The following SKAP2 variants were observed in gnomAD, a reference collection of about 807,000 sequenced individuals.
The protein encoded by SKAP2 is src kinase-associated phosphoprotein 2.
SKAP2 carries 28 observed loss-of-function variants against 54.9 expected under a neutral mutation model. That is an observed-to-expected ratio of 0.51 (90% CI 0.38 to 0.70). The LOEUF is 0.70. Ranked by LOEUF, SKAP2 falls within the 30% of genes least tolerant of loss-of-function variation. The pLI is 0.00. For missense variants in SKAP2, 356 were observed against 424.1 expected (o/e 0.84, Z 1.41); for synonymous variants, 137 against 134.3 (o/e 1.02, Z -0.14).
intron 1 of SKAP2, among the ~76,000 whole-genome samples, chr7:26,861,476 C>A (rs1471630435): frequency 6.6e-6 from 1 of 151,928 alleles, no homozygotes; most frequent in Non-Finnish European, 1.5e-5. Context: ...TTCATATAAC[C>A]AAAAGAATAA....
At chr7:26,797,523 A>G (rs1439480979) in intron 4 of SKAP2, among the ~76,000 whole-genome samples, 11 of 152,186 alleles carry the variant, frequency 7.2e-5, no homozygotes, top group African/African-American at 2.7e-4. Context: ...CTTAGATCAC[A>G]ACACTCAAGT....
intron 4 of SKAP2, among the ~76,000 whole-genome samples, chr7:26,816,689 A>T (rs1359338699): frequency 6.6e-6 from 1 of 152,226 alleles, no homozygotes; most frequent in South Asian, 2.1e-4. Flanking sequence ...CTCAAACAAC[A>T]ATCAGTAACA....
chr7:26,749,825 T>A (rs1437327686), intron 4 of SKAP2, among the ~76,000 whole-genome samples: 1 of 151,562 alleles, frequency 6.6e-6, no homozygotes, highest in African/African-American at 2.4e-5. Flanking sequence ...TATCTCTGTA[T>A]CAAACACAAC....
chr7:26,717,509 C>CAAAAAAAAAAAAAAAAAAAAA lies in SKAP2; in HGVS notation c.796+7898_796+7918dup, dbSNP rs58826714. ...TGGGTGACAGAGCAAGACCCCATCT[C>CAAAAAAAAAAAAAAAAAAAAA]AAAAAAAAAAAAAAAAAAAAAAAAA... On this transcript the variant is annotated intron_variant, in intron 9 of 12. Coordinates refer to ENST00000345317, the MANE Select transcript of SKAP2 (RefSeq NM_003930.5). Among the ~76,000 whole-genome samples, 23 of 23,134 alleles carry CAAAAAAAAAAAAAAAAAAAAA rather than the reference C, an allele frequency of 9.9e-4. 4 individuals are homozygous for CAAAAAAAAAAAAAAAAAAAAA. The highest frequency in any genetic ancestry group is 6.8e-3 in the South Asian group (2 of 296). The allele number at this position is 23,134 out of a possible 152,430, so 15.2% of individuals were successfully genotyped here. A position where few individuals can be genotyped will look rare whatever the true frequency, so the allele number is the denominator to read the frequency against.
intron 3 of SKAP2, among the ~76,000 whole-genome samples, chr7:26,853,448 G>A (rs116670783): frequency 6.6e-6 from 1 of 152,152 alleles, no homozygotes; most frequent in African/African-American, 2.4e-5. Context: ...AAAGTAGTAG[G>A]AAGTTCCTAT....
chr7:26,656,758 A>G, the SKAP2 span, among the ~76,000 whole-genome samples: 1 of 152,170 alleles, frequency 6.6e-6, no homozygotes. Flanking sequence ...ACTTACAAAG[A>G]TATTTCATAC....
At chr7:26,854,078 C>G in intron 3 of SKAP2, 59 bp downstream of exon 3, 1 of 1,123,626 alleles carries the variant, frequency 8.9e-7, no homozygotes, top group Non-Finnish European at 1.3e-6. Flanking sequence ...TTAGATTATC[C>G]TATTGAAAAT....
intron 9 of SKAP2, among the ~76,000 whole-genome samples, chr7:26,714,530 C>T (rs1280219142): frequency 2.0e-5 from 3 of 152,142 alleles, no homozygotes; most frequent in African/African-American, 7.2e-5. Flanking sequence ...TTTTACATTA[C>T]TCAGCTGTAG....
At chr7:26,842,924 C>T (rs1437707752) in intron 4 of SKAP2, among the ~76,000 whole-genome samples, 1 of 151,750 alleles carries the variant, frequency 6.6e-6, no homozygotes, top group Non-Finnish European at 1.5e-5. Flanking sequence ...TAAATGTTTG[C>T]CGAAGCATAA....
At position 26,857,822 on chromosome 7, in the gene SKAP2, G is replaced by A. The variant is rs773129587; in HGVS notation, c.68-2932C>T. 4.6e-5 allele frequency: 35 copies of A among 762,276 alleles called. 1 individual carries two copies. The South Asian group carries it at 5.3e-4, about 11-fold the overall frequency. 47.2% of individuals were successfully genotyped at this position (762,276 alleles called of 1,614,324 possible). ...AATCAAGTGTTCCTCTGGCTGGTTG[G>A]AGAAGAGATTTGAAGCTTCTTATTG... On this transcript the variant is annotated intron_variant, in intron 1 of 12. Transcript: ENST00000345317.
chr7:26,752,815 T>G (rs1782714050), intron 4 of SKAP2, among the ~76,000 whole-genome samples: 1 of 152,160 alleles, frequency 6.6e-6, no homozygotes, highest in Non-Finnish European at 1.5e-5. Flanking sequence ...GCAACTGGCC[T>G]ATAAAGCTCT....
At chr7:26,664,728 G>GAAAAAAAAAAAAAAAAAAAAAAA (rs372243207), downstream of SKAP2, among the ~76,000 whole-genome samples, 2 of 111,104 alleles carry the variant, frequency 1.8e-5, no homozygotes, top group African/African-American at 3.2e-5. Flanking sequence ...AAACTGAAAA[G>GAAAAAAAAAAAAAAAAAAAAAAA]AAAAAAAAAA....
chr7:26,754,938 G>A (rs1782758418), intron 4 of SKAP2, among the ~76,000 whole-genome samples: 2 of 152,076 alleles, frequency 1.3e-5, no homozygotes, highest in South Asian at 2.1e-4. Context: ...TACACATCCC[G>A]CTAAAATTCC....
At chr7:26,661,909 T>A in the SKAP2 span, among the ~76,000 whole-genome samples, 2 of 152,150 alleles carry the variant, frequency 1.3e-5, no homozygotes, top group African/African-American at 4.8e-5. Context: ...CTAAACATAA[T>A]CTCACTTGAG....
chr7:26,861,615 CT>C (rs34331819), intron 1 of SKAP2, among the ~76,000 whole-genome samples: 28,395 of 115,946 alleles, frequency 0.24, 3,020 homozygotes, highest in African/African-American at 0.35. Context: ...ATAACAACCT[CT>C]TTTTTTTTTT....
intron 3 of SKAP2, 70 bp downstream of exon 3, chr7:26,854,067 G>A (rs1785106760): frequency 1.0e-6 from 1 of 997,894 alleles, no homozygotes; most frequent in African/African-American, 1.6e-5. Flanking sequence ...TTCAGTATGT[G>A]TTAGATTATC....
At chr7:26,857,337 T>TAAAAAAAAAAAAAAAAAAAAAAA in intron 1 of SKAP2, 2 of 130,774 alleles carry the variant, frequency 1.5e-5, no homozygotes, top group Non-Finnish European at 1.1e-5. Context: ...AAAAAAAAAC[T>TAAAAAAAAAAAAAAAAAAAAAAA]TTAAACTGGA....
intron 4 of SKAP2, among the ~76,000 whole-genome samples, chr7:26,764,347 C>A (rs1312158121): frequency 6.6e-6 from 1 of 152,058 alleles, no homozygotes; most frequent in African/African-American, 2.4e-5. Flanking sequence ...AAACATAGAT[C>A]AGGAATCAGA....
intron 6 of SKAP2, among the ~76,000 whole-genome samples, chr7:26,737,221 C>G (rs1238921763): frequency 6.6e-6 from 1 of 152,192 alleles, no homozygotes; most frequent in African/African-American, 2.4e-5. Flanking sequence ...GATCTAAATT[C>G]ACAATATCAT....
Sources: gnomAD v4.1 joint callset for allele counts (sites outside exome capture counted in the v4.1 genomes callset) on GRCh38, gnomAD v4.1.1 for gene constraint, MANE v1.5 for transcripts, NCBI Gene and HGNC (gene_info 2026-07-23, HGNC 2026-07-21) for gene names.